The following FUT8 variants were observed in gnomAD, a reference collection of about 807,000 sequenced individuals.
FUT8 encodes the protein fucosyltransferase 8.
FUT8 carries 29 observed loss-of-function variants against 71.3 expected under a neutral mutation model. The observed-to-expected ratio is 0.41, with a 90% CI of 0.30 to 0.55. The LOEUF (loss-of-function observed/expected upper bound fraction) is 0.55. FUT8 is among the 20% of genes least tolerant of loss of function. The pLI is 0.34. For synonymous variants in FUT8, 254 were observed against 239.3 expected, an observed-to-expected ratio of 1.06 and a Z score of -0.57; for missense variants, 544 against 702.1, an observed-to-expected ratio of 0.77 and a Z score of 2.55.
chr14:65,700,522 C>G (rs1317338764), intron 7 of FUT8, among the ~76,000 whole-genome samples: 2 of 150,856 alleles, frequency 1.3e-5, no homozygotes, highest in African/African-American at 4.9e-5. Context: ...TCCCGAGTAG[C>G]TGGGACTACA....
Position 65,652,917 on chromosome 14 carries a change from G to A in FUT8, c.598-16326G>A, listed in dbSNP as rs1472196230. 6.6e-6 allele frequency among the ~76,000 whole-genome samples: 1 copy of A among 152,188 alleles called. No homozygotes were observed. Among genetic ancestry groups the A allele is most frequent in the Non-Finnish European group, 1.5e-5 (1 of 68,034 alleles). ...AGCATGCGATAGCAGGGGATCATTG[G>A]CCATCTCTCTCTGTATTGGTCTTTT... On this transcript the variant is annotated intron_variant, in intron 6 of 10. Transcript: ENST00000673929. The surrounding 1 kb of genome is among the most constrained non-coding windows in gnomAD (Gnocchi z 4.0).
chr14:65,435,269 A>G (rs1027408506), intron 1 of FUT8, among the ~76,000 whole-genome samples: 2 of 151,800 alleles, frequency 1.3e-5, no homozygotes, highest in African/African-American at 2.4e-5. Context: ...TTTTTGTTGT[A>G]TTTTTTTTAC....
At chr14:65,575,997 G>A (rs1309415134) in intron 3 of FUT8, among the ~76,000 whole-genome samples, 2 of 152,208 alleles carry the variant, frequency 1.3e-5, no homozygotes, top group Non-Finnish European at 2.9e-5. Context: ...TTGGCCGCAA[G>A]TAAGTATAGC....
At chr14:65,679,807 A>G (rs1892950571) in intron 7 of FUT8, among the ~76,000 whole-genome samples, 1 of 152,186 alleles carries the variant, frequency 6.6e-6, no homozygotes, top group South Asian at 2.1e-4. Flanking sequence ...TGTCACATAT[A>G]AAATCTTATG....
chr14:65,490,179 A>G (rs4902399), intron 2 of FUT8, among the ~76,000 whole-genome samples: 106,184 of 151,744 alleles, frequency 0.7, 37,445 homozygotes, highest in East Asian at 0.9. Context: ...CTCCTTTTGC[A>G]TCTCTTTCAC....
the FUT8 span, among the ~76,000 whole-genome samples, chr14:65,378,849 T>TTTTG: frequency 7.3e-6 from 1 of 136,510 alleles, no homozygotes; most frequent in Non-Finnish European, 1.6e-5. Flanking sequence ...TTTTTTTTTT[T>TTTTG]TTTTTTTTTT....
At chr14:65,459,959 CAT>C (rs2065948159) in intron 2 of FUT8, among the ~76,000 whole-genome samples, 1 of 152,114 alleles carries the variant, frequency 6.6e-6, no homozygotes, top group Non-Finnish European at 1.5e-5. Flanking sequence ...AGGATCCAAA[CAT>C]ATAAGTATTT....
intron 2 of FUT8, among the ~76,000 whole-genome samples, chr14:65,507,262 C>T (rs1488021966): frequency 6.6e-6 from 1 of 152,186 alleles, no homozygotes; most frequent in Non-Finnish European, 1.5e-5. Context: ...ATGTCTATTA[C>T]TGAAGTTATG....
intron 5 of FUT8, among the ~76,000 whole-genome samples, chr14:65,617,436 C>G (rs1889343935): frequency 6.6e-6 from 1 of 152,162 alleles, no homozygotes; most frequent in South Asian, 2.1e-4. Flanking sequence ...ACCACTAAAC[C>G]AAATGCTGAC....
chr14:65,504,752 C>T (rs1248839039), intron 2 of FUT8, among the ~76,000 whole-genome samples: 1 of 152,028 alleles, frequency 6.6e-6, no homozygotes, highest in African/African-American at 2.4e-5. Context: ...CGGGGTTTCA[C>T]CTTGTTGGCC....
chr14:65,358,184 G>A, the FUT8 span, among the ~76,000 whole-genome samples: 4 of 152,162 alleles, frequency 2.6e-5, no homozygotes, highest in Admixed American at 2.6e-4. Context: ...TGGAAGAGAA[G>A]ATTTTGAGTA....
At chr14:65,688,801 G>A (rs2140429659) in intron 7 of FUT8, among the ~76,000 whole-genome samples, 2 of 152,106 alleles carry the variant, frequency 1.3e-5, no homozygotes, top group East Asian at 1.9e-4. Flanking sequence ...CTTCCAAAAC[G>A]GCTGTCTATC....
chr14:65,597,467 C>T lies in FUT8; in HGVS notation c.204-18511C>T, dbSNP rs1426819383. 4.0e-5 allele frequency among the ~76,000 whole-genome samples: 6 copies of T among 151,846 alleles called. No individual in the cohort carries two copies. In the East Asian group the frequency reaches 1.2e-3, roughly 29 times the overall value. On this transcript the variant is annotated intron_variant, in intron 3 of 10. Transcript: ENST00000673929. ...TGAAACCCCGTCTCTACTAAAAATACAAAAAATTAGCCGGGCATGGTGGTG... is the reference window on the plus strand; with the variant it reads ...TGAAACCCCGTCTCTACTAAAAATATAAAAAATTAGCCGGGCATGGTGGTG...
chr14:65,621,935 G>A (rs1048973422), intron 5 of FUT8, among the ~76,000 whole-genome samples: 49 of 151,552 alleles, frequency 3.2e-4, no homozygotes, highest in Non-Finnish European at 4.9e-4. Context: ...AGCAATTCTC[G>A]TGCCCCAGCC....
chr14:65,685,683 A>AT (rs985147045), intron 7 of FUT8, among the ~76,000 whole-genome samples: 1 of 152,132 alleles, frequency 6.6e-6, no homozygotes, highest in African/African-American at 2.4e-5. Flanking sequence ...TTATTCATGA[A>AT]TTTTCTGGGA....
intron 6 of FUT8, among the ~76,000 whole-genome samples, chr14:65,668,865 T>G (rs1415060801): frequency 1.3e-5 from 2 of 152,172 alleles, no homozygotes; most frequent in African/African-American, 4.8e-5. Flanking sequence ...AAGAATGAGA[T>G]CATGTCCTTT....
intron 8 of FUT8, among the ~76,000 whole-genome samples, chr14:65,723,302 G>A (rs1211691398): frequency 1.3e-5 from 2 of 150,776 alleles, no homozygotes; most frequent in African/African-American, 2.4e-5. Context: ...TCCAATGTGT[G>A]CAACAGAGCA....
chr14:65,539,707 C>T (rs545473492), intron 2 of FUT8, among the ~76,000 whole-genome samples: 173 of 152,132 alleles, frequency 1.1e-3, no homozygotes, highest in African/African-American at 3.8e-3. Flanking sequence ...TGTTGTGAGG[C>T]CTGAATGAAT....
At chr14:65,524,246 C>A (rs1372616806) in intron 2 of FUT8, among the ~76,000 whole-genome samples, 1 of 152,132 alleles carries the variant, frequency 6.6e-6, no homozygotes, top group Non-Finnish European at 1.5e-5. Flanking sequence ...TCTTTTATTT[C>A]ATTGAGCAGT....
Sources: allele counts gnomAD v4.1 joint callset (sites outside exome capture counted in the v4.1 genomes callset), GRCh38; gene constraint gnomAD v4.1.1; non-coding constraint Gnocchi (gnomAD v3.1); transcripts MANE v1.5; gene names NCBI Gene and HGNC (gene_info 2026-07-23, HGNC 2026-07-21).